Variants in MAP7D1 observed in about 807,000 individuals in gnomAD.
MAP7D1 encodes MAP7 domain containing 1.
Under a neutral mutation model 97.5 loss-of-function variants are expected in MAP7D1, and 30 were observed. The ratio of observed to expected loss-of-function variants is 0.31; its 90% CI spans 0.23 to 0.42. The LOEUF (loss-of-function observed/expected upper bound fraction) is 0.42. Among genes scored for constraint, MAP7D1 ranks in the 10% least tolerant of loss-of-function variants. MAP7D1 has a pLI of 1.00. For synonymous variants in MAP7D1, 536 were observed against 477.1 expected, an observed-to-expected ratio of 1.12 and a Z score of -1.61; for missense variants, 1,184 against 1,179.5, an observed-to-expected ratio of 1.00 and a Z score of -0.06.
rs1214086792 is a variant in MAP7D1, at chr1:36,156,169, A to C, written c.-249A>C. On this transcript the variant is annotated 5_prime_UTR_variant, in exon 1 of 17. Transcript: ENST00000474796. ...CGGGCGGTACAATAGGGTTGGGCCG[A>C]GGCCGGGACTGGGCCGGCGCCGGGC... 4.9e-6 allele frequency: 2 copies of C among 410,616 alleles called. No individual in the cohort carries two copies. Among genetic ancestry groups the C allele is most frequent in the Non-Finnish European group, 8.5e-6 (2 of 234,240 alleles). 25.4% of individuals were successfully genotyped at this position (410,616 alleles called of 1,614,324 possible).
chr1:36,158,774 G>T (rs1186978997), intron 1 of MAP7D1, among the ~76,000 whole-genome samples: 1 of 152,112 alleles, frequency 6.6e-6, no homozygotes. Flanking sequence ...TATAGGGGAG[G>T]GTGGGAGCAG....
intron 12 of MAP7D1, 54 bp downstream of exon 12, chr1:36,179,079 G>A (rs1570169581): frequency 4.0e-6 from 6 of 1,514,634 alleles, no homozygotes; most frequent in East Asian, 4.9e-5. Context: ...GGCGGGCCAG[G>A]TGGGCGGGGC....
intron 1 of MAP7D1, among the ~76,000 whole-genome samples, chr1:36,162,586 C>T (rs1644427675): frequency 6.6e-6 from 1 of 152,180 alleles, no homozygotes; most frequent in South Asian, 2.1e-4. Context: ...AAATGGGGGC[C>T]ATCATAGAAC....
intron 1 of MAP7D1, among the ~76,000 whole-genome samples, chr1:36,160,511 T>C (rs1644392651): frequency 6.6e-6 from 1 of 152,238 alleles, no homozygotes; most frequent in Non-Finnish European, 1.5e-5. Context: ...GGGCATTGTC[T>C]CATTTGTTCC....
At chr1:36,180,102 C>T (rs759240321) in intron 16 of MAP7D1, 35 bp downstream of exon 16, 41 of 1,611,368 alleles carry the variant, frequency 2.5e-5, no homozygotes, top group Admixed American at 3.3e-5. Flanking sequence ...AGCTCCATTC[C>T]TCCCAGCAGC....
At chr1:36,169,981 A>G (rs1382468097) in intron 1 of MAP7D1, among the ~76,000 whole-genome samples, 2 of 152,170 alleles carry the variant, frequency 1.3e-5, no homozygotes, top group African/African-American at 2.4e-5. Context: ...TAAAAATTTA[A>G]AAAAAGAGAC....
chr1:36,171,027 C>T lies in MAP7D1; in HGVS notation c.103C>T (p.Pro35Ser), dbSNP rs1644535017. The part of the protein sequence containing the change: ...PRPSPEGDPS[P>S]PPPPMSALVP... ...ACCTTCTCCAGAAGGTGACCCTTCC[C>T]CCCCACCACCACCAATGTCAGCCCT... The change falls in exon 2 of 17, where the codon CCC becomes TCC. Residue 35 changes from proline (P) to serine (S), a missense_variant. Transcript: ENST00000474796. 6.6e-7 allele frequency: 1 copy of T among 1,522,808 alleles called. No homozygotes were observed. 94.3% of individuals were successfully genotyped at this position (1,522,808 alleles called of 1,614,324 possible).
At chr1:36,179,578 G>A (rs1039724637) in intron 14 of MAP7D1, 21 bp downstream of exon 14, 26 of 1,557,934 alleles carry the variant, frequency 1.7e-5, no homozygotes, top group South Asian at 4.7e-5. Flanking sequence ...CATTCCTCTC[G>A]CCTCCCTTCC....
chr1:36,168,156 G>A (rs983100225), intron 1 of MAP7D1, among the ~76,000 whole-genome samples: 1 of 152,218 alleles, frequency 6.6e-6, no homozygotes, highest in Middle Eastern at 3.4e-3. Context: ...TTAGCTGGGT[G>A]TGGTGGTGCC....
Position 36,176,748 on chromosome 1 carries a change from A to G in MAP7D1, c.1285A>G (p.Ser429Gly), listed in dbSNP as rs779040593. Reference sequence around the variant, plus strand: ...GGAGCGGGAAAACGAGAAGGAGAAGAGTGCCCTAGCCCGGGAGCGCAGCCT... The same window carrying G: ...GGAGCGGGAAAACGAGAAGGAGAAGGGTGCCCTAGCCCGGGAGCGCAGCCT... ...DKERENEKEK[S>G]ALARERSLKK... Residue 429 changes from serine (S) to glycine (G), a missense_variant, in exon 8 of 17, where the codon AGT (serine) becomes GGT (glycine). Ser to Gly is a moderately conservative substitution (Grantham distance 56, BLOSUM62 0). Transcript: ENST00000474796. The surrounding 1 kb of genome is among the most constrained non-coding windows in gnomAD (Gnocchi z 6.1). The G allele has an allele frequency of 4.4e-6, 7 of 1,604,820 alleles. No individual in the cohort carries two copies. Among genetic ancestry groups the G allele is most frequent in the Non-Finnish European group, 6.0e-6 (7 of 1,176,384 alleles).
rs1467043477 is a variant in MAP7D1, at chr1:36,174,878, C to T, written c.740-20C>T. The T allele has an allele frequency of 8.5e-6, 13 of 1,521,612 alleles. No homozygotes were observed. Among genetic ancestry groups the T allele is most frequent in the Middle Eastern group, 1.7e-4 (1 of 5,888 alleles). The allele number at this position is 1,521,612 out of a possible 1,614,324, so 94.3% of individuals were successfully genotyped here. On this transcript the variant is annotated intron_variant, in intron 5 of 16. Transcript: ENST00000474796. Reference sequence around the variant, plus strand: ...CTCCTGCCGGGCCCGGCCCTAATGCCGTGTCTTTTCCCCCTCCAGGTGGGA... The same window carrying T: ...CTCCTGCCGGGCCCGGCCCTAATGCTGTGTCTTTTCCCCCTCCAGGTGGGA...
intron 5 of MAP7D1, 64 bp from the exon 6 acceptor site, chr1:36,174,834 C>T: frequency 1.1e-6 from 1 of 896,880 alleles, no homozygotes; most frequent in Non-Finnish European, 1.8e-6. Flanking sequence ...GCATGGAAGG[C>T]CTCGGTGCCC....
chr1:36,179,318 C>T lies in MAP7D1; in HGVS notation c.2184+3C>T. ...AGTCAGAAGTTTCTGAAACCAAGGT[C>T]AGAATTCCCCCGAAGGGCAGTGCTG... is the stretch of plus-strand genomic sequence containing the variant. On this transcript the variant is annotated splice_donor_region_variant and intron_variant, in intron 13 of 16. Transcript: ENST00000474796. The T allele has an allele frequency of 6.2e-7, 1 of 1,613,962 alleles. No individual in the cohort carries two copies. Among genetic ancestry groups the T allele is most frequent in the Non-Finnish European group, 8.5e-7 (1 of 1,179,956 alleles).
Position 36,178,508 on chromosome 1 carries a change from A to G in MAP7D1, c.1798A>G (p.Thr600Ala), listed in dbSNP as rs1644663997. ...CGGCACCACAGACCGAGAAGAAGCC[A>G]CTCGGCTCTTGGCTGAGAAGCGGCG... ...MAGTTDREEA[T>A]RLLAEKRRQA... Residue 600 changes from threonine to alanine, a missense_variant, in exon 10 of 17, where the codon ACT becomes GCT. Transcript: ENST00000474796. The G allele has an allele frequency of 1.2e-6, 2 of 1,610,208 alleles. No individual in the cohort carries two copies. Among genetic ancestry groups the G allele is most frequent in the Non-Finnish European group, 1.7e-6 (2 of 1,178,704 alleles).
chr1:36,173,734 G>A (rs1477288063), intron 5 of MAP7D1, among the ~76,000 whole-genome samples: 5 of 152,184 alleles, frequency 3.3e-5, no homozygotes, highest in Non-Finnish European at 5.9e-5. Flanking sequence ...CCTTCTTTGC[G>A]CCTGTCAATT....
At position 36,163,817 on chromosome 1, in the gene MAP7D1, C is replaced by CTTT. The variant is rs869169250; in HGVS notation, c.47-7129_47-7127dup. Among the ~76,000 whole-genome samples, 218 of 86,842 alleles carry CTTT rather than the reference C, an allele frequency of 2.5e-3. 21 individuals are homozygous for CTTT. The highest frequency in any genetic ancestry group is 9.2e-3 in the African/African-American group (197 of 21,406). 57.0% of individuals were successfully genotyped at this position (86,842 alleles called of 152,430 possible). ...TGCCACATAGATATATACTTTTTTTCTTTTTTTTTTTTTTTTTTTTTTTTT... is the reference window on the plus strand; with the variant it reads ...TGCCACATAGATATATACTTTTTTTCTTTTTTTTTTTTTTTTTTTTTTTTTTTT... On this transcript the variant is annotated intron_variant, in intron 1 of 16. Coordinates refer to ENST00000474796, the MANE Select transcript of MAP7D1 (RefSeq NM_001388490.1).
chr1:36,176,104 C>T lies in MAP7D1; in HGVS notation c.851-95C>T. 7.0e-7 allele frequency: 1 copy of T among 1,429,864 alleles called. No homozygotes were observed. Among genetic ancestry groups the T allele is most frequent in the South Asian group, 1.3e-5 (1 of 78,948 alleles). The allele number at this position is 1,429,864 out of a possible 1,614,324, so 88.6% of individuals were successfully genotyped here. ...GGACTCCCGGGTGAGAAGCCTTGGC[C>T]TTGGCATGGGGATGGTGCCTGGTCT... On this transcript the variant is annotated intron_variant, in intron 6 of 16. Transcript: ENST00000474796. The surrounding 1 kb of genome is among the most constrained non-coding windows in gnomAD (Gnocchi z 6.1).
intron 1 of MAP7D1, among the ~76,000 whole-genome samples, chr1:36,168,988 A>G (rs1644506648): frequency 6.6e-6 from 1 of 152,204 alleles, no homozygotes; most frequent in African/African-American, 2.4e-5. Context: ...GCAGTGGCTC[A>G]TGCCTGTAAT....
At chr1:36,160,350 T>C (rs571569291) in intron 1 of MAP7D1, among the ~76,000 whole-genome samples, 1 of 152,212 alleles carries the variant, frequency 6.6e-6, no homozygotes, top group African/African-American at 2.4e-5. Flanking sequence ...CTGCTGCCCT[T>C]ACTAGCGCTC....
Sources: gnomAD v4.1 joint callset for allele counts (sites outside exome capture counted in the v4.1 genomes callset) on GRCh38, gnomAD v4.1.1 for gene constraint, Gnocchi (gnomAD v3.1) non-coding constraint, MANE v1.5 for transcripts, NCBI Gene and HGNC (gene_info 2026-07-23, HGNC 2026-07-21) for gene names.